Variants in CELF4 observed in about 807,000 individuals in gnomAD.
The protein encoded by CELF4 is CUGBP Elav-like family member 4, also known as CUG-BP- and ETR-3-like factor 4.
In CELF4, 18 loss-of-function variants were observed where a neutral mutation model predicts 59.9. That is an observed-to-expected ratio of 0.30 (90% CI 0.21 to 0.45). The LOEUF is 0.45. Ranked by LOEUF, CELF4 falls within the 20% of genes least tolerant of loss-of-function variation. The probability of loss-of-function intolerance (pLI) is 1.00; values close to 1 mark genes in which losing one functional copy is unlikely to be tolerated. For missense variants in CELF4, 456 were observed against 689.0 expected, an observed-to-expected ratio of 0.66 and a Z score of 3.79; for synonymous variants, 261 against 267.1, an observed-to-expected ratio of 0.98 and a Z score of 0.22.
chr18:37,522,047 C>A (rs566652321), intron 1 of CELF4, among the ~76,000 whole-genome samples: 180 of 152,306 alleles, frequency 1.2e-3, no homozygotes, highest in Non-Finnish European at 2.1e-3. Context: ...CCTTCCATAG[C>A]CTCAGTTTCT....
At chr18:37,313,495 C>T (rs1373740972) in intron 3 of CELF4, among the ~76,000 whole-genome samples, 3 of 152,198 alleles carry the variant, frequency 2.0e-5, no homozygotes, top group African/African-American at 7.2e-5. Context: ...GCTAAACTGC[C>T]TTCCTAGTGT....
intron 2 of CELF4, among the ~76,000 whole-genome samples, chr18:37,451,781 C>T (rs973584156): frequency 3.9e-5 from 6 of 152,196 alleles, no homozygotes; most frequent in Non-Finnish European, 8.8e-5. Context: ...GCTGCTGGTG[C>T]TGTTCCCTCA....
intron 2 of CELF4, among the ~76,000 whole-genome samples, chr18:37,451,997 A>G (rs1455932482): frequency 2.0e-5 from 3 of 152,040 alleles, no homozygotes; most frequent in Non-Finnish European, 4.4e-5. Context: ...TCCTCTGCCC[A>G]GCACCTGGGC....
chr18:37,496,716 C>T (rs1399203670), intron 1 of CELF4, among the ~76,000 whole-genome samples: 1 of 152,186 alleles, frequency 6.6e-6, no homozygotes, highest in Non-Finnish European at 1.5e-5. Flanking sequence ...GTCCAGCTGT[C>T]GATAGAGGGT....
At chr18:37,315,911 A>T (rs1323705008) in intron 3 of CELF4, among the ~76,000 whole-genome samples, 1 of 152,168 alleles carries the variant, frequency 6.6e-6, no homozygotes, top group Non-Finnish European at 1.5e-5. Flanking sequence ...GCCTGAGGCC[A>T]TGGTAGTCAG....
At chr18:37,440,023 G>A (rs79287140) in intron 2 of CELF4, among the ~76,000 whole-genome samples, 2,384 of 152,318 alleles carry the variant, frequency 0.016, 31 homozygotes, top group Non-Finnish European at 0.023. Flanking sequence ...AGGTGCTGAT[G>A]GCTCCTGCTT....
chr18:37,384,443 G>A (rs915527326), intron 2 of CELF4, among the ~76,000 whole-genome samples: 1 of 152,078 alleles, frequency 6.6e-6, no homozygotes. Flanking sequence ...GAGGGGCCCT[G>A]TTGGGGGCCT....
intron 3 of CELF4, among the ~76,000 whole-genome samples, chr18:37,316,198 G>T (rs2096864045): frequency 6.6e-6 from 1 of 152,142 alleles, no homozygotes; most frequent in Admixed American, 6.5e-5. Context: ...CCCTAGGGAG[G>T]TATCATCACC....
chr18:37,332,924 C>T (rs2097596724), intron 2 of CELF4, among the ~76,000 whole-genome samples: 1 of 152,204 alleles, frequency 6.6e-6, no homozygotes, highest in Non-Finnish European at 1.5e-5. Flanking sequence ...TGTGAACACG[C>T]CAGGGCTGCA....
intron 1 of CELF4, among the ~76,000 whole-genome samples, chr18:37,521,168 C>T (rs1046709447): frequency 2.6e-5 from 4 of 152,152 alleles, no homozygotes; most frequent in East Asian, 1.9e-4. Flanking sequence ...CCCTATCACT[C>T]TCTCTCTGGG....
At chr18:37,563,670 A>C (rs2099987252) in intron 1 of CELF4, among the ~76,000 whole-genome samples, 1 of 152,108 alleles carries the variant, frequency 6.6e-6, no homozygotes, top group Admixed American at 6.5e-5. Flanking sequence ...GAACAGACAG[A>C]CATTTTCTCC....
At chr18:37,273,813 T>C in intron 6 of CELF4, 7 of 989,198 alleles carry the variant, frequency 7.1e-6, no homozygotes, top group Non-Finnish European at 7.2e-6. Flanking sequence ...TGGGCCCCCA[T>C]GTGGAAGAAA....
chr18:37,510,585 G>A (rs568215452), intron 1 of CELF4, among the ~76,000 whole-genome samples: 1 of 152,182 alleles, frequency 6.6e-6, no homozygotes, highest in Non-Finnish European at 1.5e-5. Flanking sequence ...TCCACTTACA[G>A]AATGAAACTC....
intron 2 of CELF4, among the ~76,000 whole-genome samples, chr18:37,346,180 C>A (rs950253277): frequency 2.0e-5 from 3 of 152,152 alleles, no homozygotes; most frequent in Non-Finnish European, 4.4e-5. Context: ...CAGTGCCTGC[C>A]CCCACCTCCT....
At position 37,318,519 on chromosome 18, in the gene CELF4, T is replaced by TA. The variant is rs796952144; in HGVS notation, c.448+3283dup. ...AAATTATTTTAAACTAACTTTCTTT[T>TA]AAAAAAAAAACCACACAGCTTGGTG... On this transcript the variant is annotated intron_variant, in intron 3 of 12. Coordinates refer to ENST00000420428, the MANE Select transcript of CELF4 (RefSeq NM_020180.4). Among the ~76,000 whole-genome samples the TA allele has an allele frequency of 5.4e-3, 802 of 148,388 alleles. 6 individuals carry two copies. Among genetic ancestry groups the TA allele is most frequent in the African/African-American group, 0.018 (737 of 40,410 alleles).
chr18:37,411,776 G>A (rs200173705), intron 2 of CELF4, among the ~76,000 whole-genome samples: 14 of 152,174 alleles, frequency 9.2e-5, no homozygotes, highest in Non-Finnish European at 8.8e-5. Flanking sequence ...GAGATGAGGC[G>A]GGCTGCATGG....
At chr18:37,403,932 G>T (rs2154585871) in intron 2 of CELF4, among the ~76,000 whole-genome samples, 1 of 152,242 alleles carries the variant, frequency 6.6e-6, no homozygotes, top group Non-Finnish European at 1.5e-5. Context: ...CTTACCTCAG[G>T]GCTCTCAGTG....
chr18:37,333,123 G>T (rs1307044298), intron 2 of CELF4, among the ~76,000 whole-genome samples: 2 of 152,238 alleles, frequency 1.3e-5, no homozygotes, highest in African/African-American at 2.4e-5. Flanking sequence ...TAGTTGTGAG[G>T]CCTGGATTTC....
chr18:37,382,946 C>T (rs1469653723), intron 2 of CELF4, among the ~76,000 whole-genome samples: 1 of 152,060 alleles, frequency 6.6e-6, no homozygotes, highest in Non-Finnish European at 1.5e-5. Flanking sequence ...CATTCCAGTT[C>T]CCATCGTTAG....
Sources: gnomAD v4.1 joint callset for allele counts (sites outside exome capture counted in the v4.1 genomes callset) on GRCh38, gnomAD v4.1.1 for gene constraint, MANE v1.5 for transcripts, NCBI Gene and HGNC (gene_info 2026-07-23, HGNC 2026-07-21) for gene names.